KIF2A: variants seen among roughly 807,000 people sequenced by gnomAD.
KIF2A encodes kinesin-like protein KIF2A.
Under a neutral mutation model 100.2 loss-of-function variants are expected in KIF2A, and 22 were observed. The ratio of observed to expected loss-of-function variants is 0.22; its 90% CI spans 0.16 to 0.31. KIF2A has a LOEUF of 0.31. Among genes scored for constraint, KIF2A ranks in the 10% least tolerant of loss-of-function variants. The probability of loss-of-function intolerance (pLI) is 1.00; values close to 1 mark genes in which losing one functional copy is unlikely to be tolerated. For missense variants in KIF2A, 495 were observed against 898.7 expected, an observed-to-expected ratio of 0.55 and a Z score of 5.74; for synonymous variants, 268 against 285.9, an observed-to-expected ratio of 0.94 and a Z score of 0.63.
At chr5:62,348,898 A>C (rs1188115676) in intron 3 of KIF2A, among the ~76,000 whole-genome samples, 1 of 152,232 alleles carries the variant, frequency 6.6e-6, no homozygotes, top group Non-Finnish European at 1.5e-5. Context: ...GACAAAATAC[A>C]AAGATGAATG....
chr5:62,357,700 C>T lies in KIF2A; in HGVS notation c.664C>T (p.His222Tyr), dbSNP rs1356565525. ...PLTTADPIDE[H>Y]RICVCVRKRP... is the part of the protein sequence containing the mutation. ...TACTTTTTATTTCTAGATTGATGAA[C>T]ATAGGATATGTGTGTGTGTAAGAAA... Residue 222 changes from histidine to tyrosine, a missense_variant, in exon 8 of 21, where the codon CAT becomes TAT. This residue lies in a region of KIF2A where 109 missense variants were observed against 244.2 expected (regional missense o/e 0.45). Transcript: ENST00000407818. 2 of 1,539,494 alleles carry T rather than the reference C, an allele frequency of 1.3e-6. No homozygotes were observed. Among genetic ancestry groups the T allele is most frequent in the Non-Finnish European group, 1.8e-6 (2 of 1,119,508 alleles).
chr5:62,322,577 A>G (rs1302586719), intron 1 of KIF2A, among the ~76,000 whole-genome samples: 1 of 152,202 alleles, frequency 6.6e-6, no homozygotes, highest in African/African-American at 2.4e-5. Context: ...TAGAAAACAA[A>G]TTAAGCATTT....
rs549748571 is a variant in KIF2A at position 62,374,492 on chromosome 5, T to A, written c.1911+655T>A. 5.8e-3 allele frequency among the ~76,000 whole-genome samples: 886 copies of A among 152,164 alleles called. 11 individuals are homozygous for A. The highest frequency in any genetic ancestry group is 0.02 in the African/African-American group (836 of 41,508). ...GTCTGATATTAAAATTTGGGAAAAA[T>A]TTAAAGTAATATAGGGAAAAACAAC... is the stretch of plus-strand genomic sequence containing the variant. On this transcript the variant is annotated intron_variant, in intron 18 of 20. Coordinates refer to ENST00000407818, the MANE Select transcript of KIF2A (RefSeq NM_001098511.3).
chr5:62,367,623 CATT>C (rs1317177891), intron 16 of KIF2A, among the ~76,000 whole-genome samples: 4 of 152,020 alleles, frequency 2.6e-5, no homozygotes, highest in African/African-American at 9.7e-5. Context: ...GTCTTATAAA[CATT>C]ATAAACATTA....
chr5:62,334,724 T>C (rs967398498), intron 1 of KIF2A, among the ~76,000 whole-genome samples: 2 of 152,140 alleles, frequency 1.3e-5, no homozygotes, highest in Non-Finnish European at 1.5e-5. Flanking sequence ...TTTGCCAGTG[T>C]CACCCACCCT....
intron 18 of KIF2A, among the ~76,000 whole-genome samples, chr5:62,376,423 T>C (rs552928938): frequency 2.0e-5 from 3 of 151,946 alleles, no homozygotes; most frequent in African/African-American, 7.2e-5. Flanking sequence ...TGTTTGTTTG[T>C]TTGTTTGTTT....
At chr5:62,375,127 C>A (rs1032038111) in intron 18 of KIF2A, among the ~76,000 whole-genome samples, 19 of 151,728 alleles carry the variant, frequency 1.3e-4, no homozygotes, top group Non-Finnish European at 8.8e-5. Flanking sequence ...TAAATACATG[C>A]CCATTGTATA....
intron 17 of KIF2A, 78 bp downstream of exon 17, chr5:62,372,629 C>A: frequency 1.2e-6 from 1 of 831,556 alleles, no homozygotes; most frequent in Non-Finnish European, 1.9e-6. Flanking sequence ...ATTTCATTTG[C>A]TATTTTTGTC....
chr5:62,376,562 G>T (rs1741557961), intron 18 of KIF2A, among the ~76,000 whole-genome samples: 1 of 152,108 alleles, frequency 6.6e-6, no homozygotes, highest in Non-Finnish European at 1.5e-5. Context: ...TGGGATTACA[G>T]GCGCACACCA....
intron 1 of KIF2A, among the ~76,000 whole-genome samples, chr5:62,317,615 T>G (rs1745882562): frequency 6.6e-6 from 1 of 152,222 alleles, no homozygotes; most frequent in Non-Finnish European, 1.5e-5. Context: ...CTATTAATGT[T>G]CCGGGCATTG....
intron 9 of KIF2A, among the ~76,000 whole-genome samples, chr5:62,360,964 G>T (rs1300018582): frequency 6.6e-6 from 1 of 151,788 alleles, no homozygotes; most frequent in Non-Finnish European, 1.5e-5. Flanking sequence ...ATAATACTTT[G>T]TGTTTGTTTT....
chr5:62,306,493 C>T lies in KIF2A; in HGVS notation c.21C>T (p.Gly7=). The T allele has an allele frequency of 6.5e-7, 1 of 1,546,138 alleles. No homozygotes were observed. The highest frequency in any genetic ancestry group is 2.0e-5 in the Admixed American group (1 of 50,612). Reference sequence around the variant, plus strand: ...AGGTGATGGCAACGGCCAACTTCGGCAAGATCCAGATCGGGATTTACGTGG... The same window carrying T: ...AGGTGATGGCAACGGCCAACTTCGGTAAGATCCAGATCGGGATTTACGTGG... The part of the protein sequence containing the change: MATANF[G]KIQIGIYVEI... The change falls in exon 1 of 21, where the codon GGC becomes GGT. Residue 7 remains glycine, a synonymous_variant. Transcript: ENST00000407818.
At chr5:62,314,034 C>T (rs1561245743) in intron 1 of KIF2A, among the ~76,000 whole-genome samples, 1 of 152,138 alleles carries the variant, frequency 6.6e-6, no homozygotes, top group Non-Finnish European at 1.5e-5. Flanking sequence ...TCAAGCAATT[C>T]TCCCTCTTTG....
At chr5:62,365,624 A>G (rs1238231561) in intron 15 of KIF2A, among the ~76,000 whole-genome samples, 1 of 151,334 alleles carries the variant, frequency 6.6e-6, no homozygotes, top group Non-Finnish European at 1.5e-5. Flanking sequence ...CTTTTTGAGT[A>G]TAGGTCACAC....
At chr5:62,384,205 C>G (rs868862686) in intron 20 of KIF2A, among the ~76,000 whole-genome samples, 1 of 152,102 alleles carries the variant, frequency 6.6e-6, no homozygotes, top group Non-Finnish European at 1.5e-5. Context: ...GCCGAGATCA[C>G]GCCACTGCAC....
intron 20 of KIF2A, among the ~76,000 whole-genome samples, chr5:62,382,887 A>G (rs894341285): frequency 5.9e-5 from 9 of 151,268 alleles, no homozygotes; most frequent in Admixed American, 1.3e-4. Context: ...TCGGCCTCCC[A>G]AAGTGCTGGG....
chr5:62,391,014 A>G lies in KIF2A; in HGVS notation c.*5445A>G. On this transcript the variant is annotated 3_prime_UTR_variant, in exon 21 of 21. Coordinates refer to ENST00000407818, the MANE Select transcript of KIF2A (RefSeq NM_001098511.3). ...ATATAAGATTCAGAATAAATGAACG[A>G]CATATCTTTAATGAGGTCACCTTGA... is the stretch of plus-strand genomic sequence containing the variant. 6.3e-7 allele frequency: 1 copy of G among 1,577,804 alleles called. No individual in the cohort carries two copies. Among genetic ancestry groups the G allele is most frequent in the Non-Finnish European group, 8.7e-7 (1 of 1,147,128 alleles).
intron 3 of KIF2A, 124 bp from the exon 4 acceptor site, chr5:62,349,942 T>C: frequency 1.6e-6 from 1 of 617,148 alleles, no homozygotes; most frequent in South Asian, 1.9e-5. Context: ...ATTATAGTTT[T>C]TCTTCATTTT....
At chr5:62,318,599 C>T (rs932168952) in intron 1 of KIF2A, among the ~76,000 whole-genome samples, 5 of 152,064 alleles carry the variant, frequency 3.3e-5, no homozygotes, top group African/African-American at 1.2e-4. Flanking sequence ...CCATTAAGAA[C>T]AATTTCTTAA....
Sources: gnomAD v4.1 joint callset for allele counts (sites outside exome capture counted in the v4.1 genomes callset) on GRCh38, gnomAD v4.1.1 for gene constraint, gnomAD v4.1.1 regional missense constraint, MANE v1.5 for transcripts, NCBI Gene and HGNC (gene_info 2026-07-23, HGNC 2026-07-21) for gene names.